Variants in C1QTNF6 observed in about 807,000 individuals in gnomAD.
C1QTNF6 encodes complement C1q tumor necrosis factor-related protein 6.
Under a neutral mutation model 20.7 loss-of-function variants are expected in C1QTNF6, and 17 were observed. The ratio of observed to expected loss-of-function variants is 0.82; its 90% CI spans 0.56 to 1.23. The LOEUF (loss-of-function observed/expected upper bound fraction) is 1.23. Ranked by LOEUF, C1QTNF6 falls within the 50% of genes most tolerant of loss-of-function variation. The pLI, the probability that C1QTNF6 is intolerant of heterozygous loss-of-function variation, is 0.00. For synonymous variants in C1QTNF6, 130 were observed against 156.3 expected, an observed-to-expected ratio of 0.83 and a Z score of 1.25; for missense variants, 329 against 389.7, an observed-to-expected ratio of 0.84 and a Z score of 1.31.
intron 1 of C1QTNF6, chr22:37,197,263 C>T (rs1025856405): frequency 2.0e-5 from 3 of 152,252 alleles, no homozygotes; most frequent in African/African-American, 4.8e-5. Context: ...ATTCCCAGGG[C>T]GCAGAGCCAG....
Position 37,185,333 on chromosome 22 carries a change from C to A in C1QTNF6, c.174G>T (p.Arg58=), listed in dbSNP as rs770190765. Reference sequence around the variant, plus strand: ...CCAGGGGGTCCTCAGAGTCACAGCACCGTTGGCAGCCGCTGGCCACAGCTC... The same window carrying A: ...CCAGGGGGTCCTCAGAGTCACAGCAACGTTGGCAGCCGCTGGCCACAGCTC... ...FDRAVASGCQ[R]CCDSEDPLDP... Residue 58 remains arginine, a synonymous_variant, in exon 2 of 3, where the codon CGG becomes CGT. Coordinates refer to ENST00000337843, the MANE Select transcript of C1QTNF6 (RefSeq NM_031910.4). 1 of 1,613,430 alleles carries A rather than the reference C, an allele frequency of 6.2e-7. No homozygotes were observed. The highest frequency in any genetic ancestry group is 1.3e-5 in the African/African-American group (1 of 74,912).
Position 37,182,314 on chromosome 22 carries a change from G to T in C1QTNF6, c.711C>A (p.Asp237Glu). The T allele has an allele frequency of 6.2e-7, 1 of 1,614,222 alleles. No homozygotes were observed. The highest frequency in any genetic ancestry group is 8.5e-7 in the Non-Finnish European group (1 of 1,180,032). Reference protein sequence around the residue: ...SIMQSQSVMLDLAYGDRVWVR... With the variant: ...SIMQSQSVMLELAYGDRVWVR... ...CCCAGACGCGGTCCCCGTAGGCCAG[G>T]TCCAGCATCACACTCTGGCTCTGCA... The change falls in exon 3 of 3, where the codon GAC becomes GAA. Residue 237 changes from aspartate (D) to glutamate (E), a missense_variant. Physicochemically the swap from Asp to Glu is conservative, Grantham distance 45. Coordinates refer to ENST00000337843, the MANE Select transcript of C1QTNF6 (RefSeq NM_031910.4).
At chr22:37,193,835 A>G (rs1924961906) in intron 2 of C1QTNF6, among the ~76,000 whole-genome samples, 1 of 152,234 alleles carries the variant, frequency 6.6e-6, no homozygotes, top group Non-Finnish European at 1.5e-5. Context: ...AAGAAAATGA[A>G]TAAATGGCAA....
At position 37,182,484 on chromosome 22, in the gene C1QTNF6, C is replaced by T. The variant is rs140887252; in HGVS notation, c.541G>A (p.Gly181Ser). The T allele has an allele frequency of 2.1e-5, 34 of 1,614,256 alleles. No individual in the cohort carries two copies. The highest frequency in any genetic ancestry group is 5.0e-5 in the Admixed American group (3 of 60,036). ...CCACGCAGGGGAGCAGCAAACTGGCCGGTCGCCATGTCAAAGCACCCATCA... is the reference window on the plus strand; with the variant it reads ...CCACGCAGGGGAGCAGCAAACTGGCTGGTCGCCATGTCAAAGCACCCATCA... ...NLDGCFDMAT[G>S]QFAAPLRGIY... Residue 181 changes from glycine to serine, a missense_variant, in exon 3 of 3, where the codon GGC (glycine) becomes AGC (serine). By Grantham distance (56) the Gly-to-Ser change is moderately conservative. Coordinates refer to ENST00000337843, the MANE Select transcript of C1QTNF6 (RefSeq NM_031910.4).
At position 37,184,312 on chromosome 22, in the gene C1QTNF6, G is replaced by A. The variant is rs1345411121; in HGVS notation, c.289+906C>T. 2.8e-6 allele frequency: 2 copies of A among 714,682 alleles called. No homozygotes were observed. Among genetic ancestry groups the A allele is most frequent in the Non-Finnish European group, 5.2e-6 (2 of 383,114 alleles). 44.3% of individuals were successfully genotyped at this position (714,682 alleles called of 1,614,324 possible). ...GAGACTGGGTTTCCCCATCTGCAAA[G>A]TGGGAGGAATAAGAAAATATCGACC... On this transcript the variant is annotated intron_variant, in intron 2 of 2. Transcript: ENST00000337843. This position sits in a 1 kb window ranked among gnomAD's most constrained non-coding sequence, Gnocchi z 4.0.
Position 37,185,161 on chromosome 22 carries a change from C to T in C1QTNF6, c.289+57G>A. ...TTTCCGCCCTGCCCTCTACTCCCTCCACCTCAGCTCCCTGGCCCTCCCTGC... is the reference window on the plus strand; with the variant it reads ...TTTCCGCCCTGCCCTCTACTCCCTCTACCTCAGCTCCCTGGCCCTCCCTGC... On this transcript the variant is annotated intron_variant, in intron 2 of 2. Coordinates refer to ENST00000337843, the MANE Select transcript of C1QTNF6 (RefSeq NM_031910.4). The T allele has an allele frequency of 2.0e-6, 3 of 1,501,022 alleles. No individual in the cohort carries two copies. The South Asian group carries it at 4.1e-5, about 20-fold the overall frequency. 93.0% of individuals were successfully genotyped at this position (1,501,022 alleles called of 1,614,324 possible).
chr22:37,193,921 G>A (rs567930259), intron 2 of C1QTNF6, among the ~76,000 whole-genome samples: 125 of 152,332 alleles, frequency 8.2e-4, no homozygotes, highest in African/African-American at 3.0e-3. Context: ...AGTGTGAAGA[G>A]ACAAAGCCTT....
chr22:37,198,568 A>G (rs1925289535), upstream of C1QTNF6, among the ~76,000 whole-genome samples: 1 of 152,240 alleles, frequency 6.6e-6, no homozygotes. Flanking sequence ...GTAGGCTCTG[A>G]GTGGCAAGTC....
chr22:37,188,617 T>C (rs74957401), upstream of C1QTNF6: 1,222 of 167,640 alleles, frequency 7.3e-3, 19 homozygotes, highest in African/African-American at 0.027. Context: ...GCTTAACTGC[T>C]CTGAGTCACA....
intron 1 of C1QTNF6, chr22:37,195,868 A>C (rs1925103981): frequency 6.6e-6 from 1 of 152,198 alleles, no homozygotes; most frequent in African/African-American, 2.4e-5. Context: ...AGTGAGGATG[A>C]CCAGAGATCA....
At chr22:37,199,349 G>C (rs573972341), upstream of C1QTNF6, 2 of 152,366 alleles carry the variant, frequency 1.3e-5, no homozygotes, top group Non-Finnish European at 2.9e-5. Context: ...ACGGGCCCGA[G>C]GGACGAGGAC....
intron 2 of C1QTNF6, among the ~76,000 whole-genome samples, chr22:37,183,362 G>C (rs1302343252): frequency 6.6e-6 from 1 of 152,242 alleles, no homozygotes; most frequent in Non-Finnish European, 1.5e-5. Context: ...CTGTGGGAAA[G>C]CACTTTGCAA....
chr22:37,186,437 G>C (rs1277390846), intron 1 of C1QTNF6, among the ~76,000 whole-genome samples: 2 of 152,218 alleles, frequency 1.3e-5, no homozygotes, highest in Non-Finnish European at 1.5e-5. Flanking sequence ...AGATGGTTGT[G>C]TCAATCATCG....
chr22:37,190,683 A>AC (rs1419781063), upstream of C1QTNF6: 2 of 144,362 alleles, frequency 1.4e-5, no homozygotes, highest in Non-Finnish European at 3.1e-5. Flanking sequence ...GTGTCCTGTT[A>AC]CAAAAAAAAA....
chr22:37,191,860 T>C (rs1306770677), upstream of C1QTNF6: 2 of 152,220 alleles, frequency 1.3e-5, no homozygotes, highest in African/African-American at 4.8e-5. Flanking sequence ...ACCCAATTCA[T>C]AATAAAGCCT....
upstream of C1QTNF6, among the ~76,000 whole-genome samples, chr22:37,192,084 A>G (rs1478516519): frequency 6.6e-6 from 1 of 152,232 alleles, no homozygotes; most frequent in Non-Finnish European, 1.5e-5. Flanking sequence ...TACAAGATTA[A>G]TCTTTCACAA....
intron 2 of C1QTNF6, among the ~76,000 whole-genome samples, chr22:37,183,818 G>A: frequency 6.6e-6 from 1 of 152,218 alleles, no homozygotes. Context: ...CCCAGCCCAA[G>A]GAAAGGAAGG....
rs1923752842 is a variant in C1QTNF6, at chr22:37,181,389, T to C, written c.*799A>G. On this transcript the variant is annotated 3_prime_UTR_variant, in exon 3 of 3. Coordinates refer to ENST00000337843, the MANE Select transcript of C1QTNF6 (RefSeq NM_031910.4). The stretch of plus-strand genomic sequence containing the variant: ...GGGAGCCCTGGAGGGATGAGAGAAT[T>C]TAAGAATGTTGGAATTGGCCAGGCA... 6.6e-6 allele frequency: 1 copy of C among 152,162 alleles called. No individual in the cohort carries two copies. Among genetic ancestry groups the C allele is most frequent in the South Asian group, 2.1e-4 (1 of 4,820 alleles). The allele number at this position is 152,162 out of a possible 1,614,324, so 9.4% of individuals were successfully genotyped here.
rs1218490407 is a variant in C1QTNF6 at position 37,184,298 on chromosome 22, TC to T, written c.289+919del. Reference sequence around the variant, plus strand: ...CTGTGTGGCCCCAGGAGACTGGGTTTCCCCATCTGCAAAGTGGGAGGAATAA... The same window carrying T: ...CTGTGTGGCCCCAGGAGACTGGGTTTCCCATCTGCAAAGTGGGAGGAATAA... On this transcript the variant is annotated intron_variant, in intron 2 of 2. Transcript: ENST00000337843. This position sits in a 1 kb window ranked among gnomAD's most constrained non-coding sequence, Gnocchi z 4.0. The T allele has an allele frequency of 8.4e-6, 6 of 711,834 alleles. No individual in the cohort carries two copies. In the African/African-American group the frequency reaches 1.1e-4, roughly 12 times the overall value. 44.1% of individuals were successfully genotyped at this position (711,834 alleles called of 1,614,324 possible).
Sources: allele counts gnomAD v4.1 joint callset (sites outside exome capture counted in the v4.1 genomes callset), GRCh38; gene constraint gnomAD v4.1.1; non-coding constraint Gnocchi (gnomAD v3.1); transcripts MANE v1.5; gene names NCBI Gene and HGNC (gene_info 2026-07-23, HGNC 2026-07-21).